C1QL3: variants seen among roughly 807,000 people sequenced by gnomAD.
The protein encoded by C1QL3 is complement C1q like 3, also known as complement C1q-like protein 3.
Under a neutral mutation model 16.6 loss-of-function variants are expected in C1QL3, and 4 were observed. That is an observed-to-expected ratio of 0.24 (90% CI 0.12 to 0.55). C1QL3 has a LOEUF of 0.55. Ranked by LOEUF, C1QL3 falls within the 20% of genes least tolerant of loss-of-function variation. The probability of loss-of-function intolerance (pLI) is 0.94; values close to 1 mark genes in which losing one functional copy is unlikely to be tolerated. For synonymous variants in C1QL3, 189 were observed against 160.2 expected (o/e 1.18, Z -1.36); for missense variants, 269 against 365.6 (o/e 0.74, Z 2.16).
intron 1 of C1QL3, among the ~76,000 whole-genome samples, chr10:16,515,747 G>A (rs914575833): frequency 6.6e-6 from 1 of 152,074 alleles, no homozygotes; most frequent in Non-Finnish European, 1.5e-5. Flanking sequence ...TCTTTCAACA[G>A]GCAGACTTAG....
In C1QL3 at chr10:16,514,181, C is replaced by G. The variant is rs770778745; in HGVS notation, c.*347G>C. ...AAAGCTGACATATGGATAAAAGCAG[C>G]AAGATCACAGTACACCAAAGTATCA... On this transcript the variant is annotated 3_prime_UTR_variant, in exon 2 of 2. Transcript: ENST00000298943. The G allele has an allele frequency of 1.3e-5, 5 of 398,884 alleles. No individual in the cohort carries two copies. Among genetic ancestry groups the G allele is most frequent in the Non-Finnish European group, 2.2e-5 (5 of 226,624 alleles). The allele number at this position is 398,884 out of a possible 1,614,324, so 24.7% of individuals were successfully genotyped here. A position where few individuals can be genotyped will look rare whatever the true frequency, so the allele number is the denominator to read the frequency against.
Position 16,520,627 on chromosome 10 carries a change from C to G in C1QL3, c.439G>C (p.Asp147His). 1 of 1,613,706 alleles carries G rather than the reference C, an allele frequency of 6.2e-7. No homozygotes were observed. Among genetic ancestry groups the G allele is most frequent in the Non-Finnish European group, 8.5e-7 (1 of 1,179,790 alleles). Residue 147 changes from aspartate to histidine, a missense_variant, in exon 1 of 2, where the codon GAC (aspartate) becomes CAC (histidine). Transcript: ENST00000298943. This position sits in a 1 kb window ranked among gnomAD's most constrained non-coding sequence, Gnocchi z 8.3. ...HEGYEVLKFD[D>H]VVTNLGNHYD... is the part of the protein sequence containing the mutation. The stretch of plus-strand genomic sequence containing the variant: ...TGGTTTCCGAGGTTGGTGACCACGT[C>G]GTCGAACTTGAGCACCTCGTAGCCT...
intron 1 of C1QL3, among the ~76,000 whole-genome samples, chr10:16,518,198 A>G (rs1378812028): frequency 3.9e-5 from 6 of 152,252 alleles, no homozygotes; most frequent in Admixed American, 3.9e-4. Flanking sequence ...AGATTTTAAA[A>G]GATTTCTCAT....
At position 16,514,088 on chromosome 10, in the gene C1QL3, A is replaced by G; in HGVS notation, c.*440T>C. ...AATTAGACCTTCTCCTGCAGGGCAA[A>G]AATCATTCTTCCCCACACTATGAAT... On this transcript the variant is annotated 3_prime_UTR_variant, in exon 2 of 2. Transcript: ENST00000298943. 2.6e-6 allele frequency: 1 copy of G among 381,086 alleles called. No individual in the cohort carries two copies. Among genetic ancestry groups the G allele is most frequent in the African/African-American group, 2.1e-5 (1 of 48,382 alleles). The allele number at this position is 381,086 out of a possible 1,614,324, so 23.6% of individuals were successfully genotyped here. A position where few individuals can be genotyped will look rare whatever the true frequency, so the allele number is the denominator to read the frequency against.
In C1QL3 at chr10:16,520,783, C is replaced by T. The variant is rs1837028801; in HGVS notation, c.283G>A (p.Glu95Lys). Residue 95 changes from glutamate (E) to lysine (K), a missense_variant, in exon 1 of 2, where the codon GAG becomes AAG. By Grantham distance (56) the Glu-to-Lys change is moderately conservative (BLOSUM62 1). Around this residue, in one of 2 missense-constraint regions of C1QL3, gnomAD observed 246 missense variants for 297.2 expected, o/e 0.83. Coordinates refer to ENST00000298943, the MANE Select transcript of C1QL3 (RefSeq NM_001010908.2). This position sits in a 1 kb window ranked among gnomAD's most constrained non-coding sequence, Gnocchi z 8.3. ...CCCGGCAGGCCTTGGCGGCCCGGCT[C>T]GCCCTTCTCGCCCGGGGGCCCCATG... ...GPMGPPGEKG[E>K]PGRQGLPGPP... 7.7e-7 allele frequency: 1 copy of T among 1,299,160 alleles called. No individual in the cohort carries two copies. Among genetic ancestry groups the T allele is most frequent in the Non-Finnish European group, 9.8e-7 (1 of 1,022,736 alleles). 80.5% of individuals were successfully genotyped at this position (1,299,160 alleles called of 1,614,324 possible).
chr10:16,520,815 G>A lies in C1QL3; in HGVS notation c.251C>T (p.Pro84Leu). 7.5e-7 allele frequency: 1 copy of A among 1,333,152 alleles called. No homozygotes were observed. Among genetic ancestry groups the A allele is most frequent in the Non-Finnish European group, 9.6e-7 (1 of 1,043,302 alleles). The allele number at this position is 1,333,152 out of a possible 1,614,324, so 82.6% of individuals were successfully genotyped here. A position where few individuals can be genotyped will look rare whatever the true frequency, so the allele number is the denominator to read the frequency against. The change falls in exon 1 of 2, where the codon CCC becomes CTC. Residue 84 changes from proline (P) to leucine (L), a missense_variant. Pro to Leu is a moderately conservative substitution (Grantham distance 98). Around this residue, in one of 2 missense-constraint regions of C1QL3, gnomAD observed 246 missense variants for 297.2 expected, o/e 0.83. Transcript: ENST00000298943. The surrounding 1 kb of genome is among the most constrained non-coding windows in gnomAD (Gnocchi z 8.3). ...CTCGCCCGGGGGCCCCATGGGGCCG[G>A]GTGGCCCGGGCTCTCCGGGGGGCCC... ...PRGPPGEPGP[P>L]GPMGPPGEKG...
In C1QL3 at chr10:16,521,190, A is replaced by G. The variant is rs998542313; in HGVS notation, c.-125T>C. The G allele has an allele frequency of 1.5e-5, 13 of 870,202 alleles. No homozygotes were observed. The highest frequency in any genetic ancestry group is 2.3e-5 in the Non-Finnish European group (13 of 576,590). 53.9% of individuals were successfully genotyped at this position (870,202 alleles called of 1,614,324 possible). A position where few individuals can be genotyped will look rare whatever the true frequency, so the allele number is the denominator to read the frequency against. ...GAAGGTTGGGCGGGGACCTCTTCAG[A>G]GCCGAAAACAACCCCCTGCGAACCC... On this transcript the variant is annotated 5_prime_UTR_variant, in exon 1 of 2. Coordinates refer to ENST00000298943, the MANE Select transcript of C1QL3 (RefSeq NM_001010908.2).
chr10:16,521,460 G>C lies in C1QL3; in HGVS notation c.-395C>G, dbSNP rs1461003038. On this transcript the variant is annotated 5_prime_UTR_variant, in exon 1 of 2. Coordinates refer to ENST00000298943, the MANE Select transcript of C1QL3 (RefSeq NM_001010908.2). The stretch of plus-strand genomic sequence containing the variant: ...GAGCCAGCCGCCGCCTCCTGAGCTC[G>C]CCCGGGCAGCTCACACTTTTATGCC... 5.9e-6 allele frequency: 1 copy of C among 168,632 alleles called. No homozygotes were observed. The highest frequency in any genetic ancestry group is 2.0e-4 in the South Asian group (1 of 5,020). 10.4% of individuals were successfully genotyped at this position (168,632 alleles called of 1,614,324 possible).
At chr10:16,519,822 T>A (rs962227759) in intron 1 of C1QL3, among the ~76,000 whole-genome samples, 20 of 152,176 alleles carry the variant, frequency 1.3e-4, no homozygotes, top group Admixed American at 3.3e-4. Context: ...CTTTTTGTTA[T>A]CAGCACTCCT....
chr10:16,519,203 C>A (rs1455109179), intron 1 of C1QL3, among the ~76,000 whole-genome samples: 3 of 127,638 alleles, frequency 2.4e-5, no homozygotes. Flanking sequence ...GTAGGTCTTC[C>A]GAATCCTGCT....
chr10:16,515,617 T>C (rs985377344), intron 1 of C1QL3, among the ~76,000 whole-genome samples: 8 of 152,200 alleles, frequency 5.3e-5, no homozygotes, highest in African/African-American at 1.7e-4. Flanking sequence ...AGTGAGTTGA[T>C]AGACATTTAC....
At chr10:16,515,060 T>C (rs1310109535) in intron 1 of C1QL3, among the ~76,000 whole-genome samples, 1 of 152,120 alleles carries the variant, frequency 6.6e-6, no homozygotes, top group Non-Finnish European at 1.5e-5. Context: ...ACTAATAGTA[T>C]TTTTTGCATT....
At chr10:16,516,815 T>C (rs1836958865) in intron 1 of C1QL3, among the ~76,000 whole-genome samples, 1 of 152,216 alleles carries the variant, frequency 6.6e-6, no homozygotes, top group African/African-American at 2.4e-5. Flanking sequence ...GACTGAAAGG[T>C]TACCCTCACA....
Position 16,520,377 on chromosome 10 carries a change from T to C in C1QL3, c.588+101A>G. Reference sequence around the variant, plus strand: ...TCCAGGGAGCCCGGCCGCCGCGCCCTTCCTCCGCGGGCTCCCACCCCCATT... The same window carrying C: ...TCCAGGGAGCCCGGCCGCCGCGCCCCTCCTCCGCGGGCTCCCACCCCCATT... On this transcript the variant is annotated intron_variant, in intron 1 of 1. Coordinates refer to ENST00000298943, the MANE Select transcript of C1QL3 (RefSeq NM_001010908.2). The surrounding 1 kb of genome is among the most constrained non-coding windows in gnomAD (Gnocchi z 8.3). 2.1e-6 allele frequency: 2 copies of C among 940,950 alleles called. No homozygotes were observed. Among genetic ancestry groups the C allele is most frequent in the Non-Finnish European group, 3.1e-6 (2 of 647,230 alleles). The allele number at this position is 940,950 out of a possible 1,614,324, so 58.3% of individuals were successfully genotyped here. A position where few individuals can be genotyped will look rare whatever the true frequency, so the allele number is the denominator to read the frequency against.
rs1484514566 is a variant in C1QL3, at chr10:16,520,488, T to C, written c.578A>G (p.Lys193Arg). 7.0e-6 allele frequency: 11 copies of C among 1,581,418 alleles called. No individual in the cohort carries two copies. Among genetic ancestry groups the C allele is most frequent in the Non-Finnish European group, 9.5e-6 (11 of 1,163,486 alleles). The change falls in exon 1 of 2, where the codon AAA (lysine) becomes AGA (arginine). Residue 193 changes from lysine to arginine, a missense_variant. Around this residue, in one of 2 missense-constraint regions of C1QL3, gnomAD observed 246 missense variants for 297.2 expected, o/e 0.83. Coordinates refer to ENST00000298943, the MANE Select transcript of C1QL3 (RefSeq NM_001010908.2). The surrounding 1 kb of genome is among the most constrained non-coding windows in gnomAD (Gnocchi z 8.3). ...DGTSMWADLC[K>R]NNQVRASAIA... ...CCCGCCCGCGCTCACCTGGTTGTTT[T>C]TGCAGAGATCAGCCCACATGCTGGT...
At chr10:16,515,085 A>G (rs1193117484) in intron 1 of C1QL3, among the ~76,000 whole-genome samples, 1 of 152,142 alleles carries the variant, frequency 6.6e-6, no homozygotes, top group Non-Finnish European at 1.5e-5. Flanking sequence ...TTTAAGCCAG[A>G]TAGCAATATT....
rs1467070937 is a variant in C1QL3, at chr10:16,520,850, C to G, written c.216G>C (p.Ala72=). ...GCTCTCCGGGGGGCCCGCGCGGACC[C>G]GCCTTCCCGGGCCTGCCGGCCTCGC... is the stretch of plus-strand genomic sequence containing the variant. ...PKGEAGRPGK[A]GPRGPPGEPG... is the part of the protein sequence containing the mutation. Residue 72 remains alanine (A), a synonymous_variant, in exon 1 of 2, where the codon GCG becomes GCC. Coordinates refer to ENST00000298943, the MANE Select transcript of C1QL3 (RefSeq NM_001010908.2). The surrounding 1 kb of genome is among the most constrained non-coding windows in gnomAD (Gnocchi z 8.3). 3 of 1,423,506 alleles carry G rather than the reference C, an allele frequency of 2.1e-6. No homozygotes were observed. In the South Asian group the frequency reaches 4.3e-5, roughly 21 times the overall value. The allele number at this position is 1,423,506 out of a possible 1,614,324, so 88.2% of individuals were successfully genotyped here. A position where few individuals can be genotyped will look rare whatever the true frequency, so the allele number is the denominator to read the frequency against.
Position 16,520,829 on chromosome 10 carries a change from T to G in C1QL3, c.237A>C (p.Gly79=), listed in dbSNP as rs1250843571. ...CCATGGGGCCGGGTGGCCCGGGCTC[T>G]CCGGGGGGCCCGCGCGGACCCGCCT... ...PGKAGPRGPP[G]EPGPPGPMGP... Residue 79 remains glycine (G), a synonymous_variant, in exon 1 of 2, where the codon GGA becomes GGC. Coordinates refer to ENST00000298943, the MANE Select transcript of C1QL3 (RefSeq NM_001010908.2). This position sits in a 1 kb window ranked among gnomAD's most constrained non-coding sequence, Gnocchi z 8.3. 3 of 1,379,522 alleles carry G rather than the reference T, an allele frequency of 2.2e-6. No individual in the cohort carries two copies. Among genetic ancestry groups the G allele is most frequent in the Non-Finnish European group, 2.8e-6 (3 of 1,069,526 alleles). 85.5% of individuals were successfully genotyped at this position (1,379,522 alleles called of 1,614,324 possible). A position where few individuals can be genotyped will look rare whatever the true frequency, so the allele number is the denominator to read the frequency against.
At position 16,520,730 on chromosome 10, in the gene C1QL3, C is replaced by A; in HGVS notation, c.336G>T (p.Ala112=). 6.6e-7 allele frequency: 1 copy of A among 1,506,962 alleles called. No homozygotes were observed. The highest frequency in any genetic ancestry group is 8.9e-7 in the Non-Finnish European group (1 of 1,125,550). The allele number at this position is 1,506,962 out of a possible 1,614,324, so 93.3% of individuals were successfully genotyped here. The change falls in exon 1 of 2, where the codon GCG becomes GCT. Residue 112 remains alanine (A), a synonymous_variant. Transcript: ENST00000298943. The surrounding 1 kb of genome is among the most constrained non-coding windows in gnomAD (Gnocchi z 8.3). ...PGPPGAPGLN[A]AGAISAATYS... ...AGGTGGCGGCGCTGATGGCCCCGGC[C>A]GCGTTCAGGCCGGGCGCCCCGGGCG...
Sources: gnomAD v4.1 joint callset for allele counts (sites outside exome capture counted in the v4.1 genomes callset) on GRCh38, gnomAD v4.1.1 for gene constraint, gnomAD v4.1.1 regional missense constraint, Gnocchi (gnomAD v3.1) non-coding constraint, MANE v1.5 for transcripts, NCBI Gene and HGNC (gene_info 2026-07-23, HGNC 2026-07-21) for gene names.